Variants in CXADR observed in about 807,000 individuals in gnomAD.
CXADR encodes CXADR cell adhesion molecule.
In CXADR, 20 loss-of-function variants were observed where a neutral mutation model predicts 40.3. The observed-to-expected ratio is 0.50, with a 90% CI of 0.35 to 0.72. The LOEUF (loss-of-function observed/expected upper bound fraction) is 0.72. CXADR is among the 30% of genes least tolerant of loss of function. CXADR has a pLI of 0.01. For synonymous variants in CXADR, 150 were observed against 161.3 expected (o/e 0.93, Z 0.53); for missense variants, 332 against 449.1 (o/e 0.74, Z 2.36).
At chr21:17,530,112 C>CCATTT (rs2060652325) in intron 1 of CXADR, among the ~76,000 whole-genome samples, 2 of 24,428 alleles carry the variant, frequency 8.2e-5, no homozygotes, top group Non-Finnish European at 1.9e-4. Context: ...CCATGCCAGG[C>CCATTT]TATTTTTTTT....
At chr21:17,598,902 C>G in the CXADR span, 4 of 1,102,308 alleles carry the variant, frequency 3.6e-6, no homozygotes, top group Non-Finnish European at 3.9e-6. Context: ...ACAAAGAGAT[C>G]TGGACATGCC....
intron 7 of CXADR, among the ~76,000 whole-genome samples, chr21:17,585,453 C>T (rs1013260699): frequency 1.1e-4 from 17 of 152,068 alleles, no homozygotes; most frequent in African/African-American, 4.1e-4. Context: ...TAAAAGCTCC[C>T]CCATCCATTA....
intron 7 of CXADR, among the ~76,000 whole-genome samples, chr21:17,583,769 G>T (rs1331213827): frequency 6.6e-6 from 1 of 152,216 alleles, no homozygotes; most frequent in Non-Finnish European, 1.5e-5. Flanking sequence ...TTAAAATTCA[G>T]CACTATCCTA....
chr21:17,630,880 A>G, the CXADR span, among the ~76,000 whole-genome samples: 2 of 152,128 alleles, frequency 1.3e-5, no homozygotes, highest in East Asian at 3.8e-4. Context: ...CTTTCCAGGA[A>G]GGTAATGGAT....
chr21:17,591,613 T>C (rs2061435486), intron 7 of CXADR, among the ~76,000 whole-genome samples: 1 of 151,416 alleles, frequency 6.6e-6, no homozygotes, highest in African/African-American at 2.4e-5. Context: ...ACTTTTTTTT[T>C]CAAATATCCA....
chr21:17,530,034 C>T (rs1004085583), intron 1 of CXADR, among the ~76,000 whole-genome samples: 6 of 151,450 alleles, frequency 4.0e-5, no homozygotes, highest in African/African-American at 1.2e-4. Context: ...CTGCAACCTA[C>T]ACCTCCTGGG....
At chr21:17,608,912 CG>C in the CXADR span, 25 of 1,512,456 alleles carry the variant, frequency 1.7e-5, no homozygotes, top group African/African-American at 3.2e-4. Context: ...TTCAATCATC[CG>C]GCCTTGAACC....
chr21:17,556,409 G>A (rs1289118380), intron 3 of CXADR, among the ~76,000 whole-genome samples: 3 of 152,162 alleles, frequency 2.0e-5, no homozygotes, highest in Non-Finnish European at 4.4e-5. Flanking sequence ...GAATTTCCTA[G>A]CAGCTATTTT....
At chr21:17,596,221 T>C (rs1265288165), downstream of CXADR, among the ~76,000 whole-genome samples, 1 of 152,038 alleles carries the variant, frequency 6.6e-6, no homozygotes, top group Non-Finnish European at 1.5e-5. Context: ...TGAGAATATT[T>C]TGTCCTAGTC....
chr21:17,522,154 CTT>C (rs111957996), intron 1 of CXADR, among the ~76,000 whole-genome samples: 1 of 147,052 alleles, frequency 6.8e-6, no homozygotes, highest in Non-Finnish European at 1.5e-5. Flanking sequence ...TTCTTTCTTC[CTT>C]TTTTTTTTGG....
intron 1 of CXADR, among the ~76,000 whole-genome samples, chr21:17,523,121 T>C (rs991767571): frequency 6.6e-6 from 1 of 152,166 alleles, no homozygotes; most frequent in African/African-American, 2.4e-5. Context: ...GAGTGAACTT[T>C]ACCCTGTCCT....
intron 1 of CXADR, among the ~76,000 whole-genome samples, chr21:17,517,843 G>A (rs1163616144): frequency 1.3e-5 from 2 of 152,034 alleles, no homozygotes; most frequent in Non-Finnish European, 2.9e-5. Context: ...CAAAAGGAAA[G>A]GAAAAAAGGC....
chr21:17,598,979 C>CTG, the CXADR span: 1 of 557,182 alleles, frequency 1.8e-6, no homozygotes, highest in Non-Finnish European at 3.1e-6. Flanking sequence ...CCTAATACAG[C>CTG]TCAATGCCAG....
the CXADR span, among the ~76,000 whole-genome samples, chr21:17,618,987 A>G: frequency 6.6e-6 from 1 of 152,218 alleles, no homozygotes; most frequent in Non-Finnish European, 1.5e-5. Flanking sequence ...TAAATTGTCA[A>G]TGAGCAGTAA....
rs891782215 is a variant in CXADR at position 17,567,906 on chromosome 21, A to G, written c.*2214A>G. On this transcript the variant is annotated 3_prime_UTR_variant, in exon 7 of 7. Coordinates refer to ENST00000284878, the MANE Select transcript of CXADR (RefSeq NM_001338.5). The stretch of plus-strand genomic sequence containing the variant: ...TATGAGGAACAAGACTTCTCTTCCC[A>G]TATACTTCATATTTTAGAGGACATT... 12 of 978,438 alleles carry G rather than the reference A, an allele frequency of 1.2e-5. No individual in the cohort carries two copies. The highest frequency in any genetic ancestry group is 3.5e-5 in the African/African-American group (2 of 56,834). The allele number at this position is 978,438 out of a possible 1,614,324, so 60.6% of individuals were successfully genotyped here. A position where few individuals can be genotyped will look rare whatever the true frequency, so the allele number is the denominator to read the frequency against.
intron 1 of CXADR, among the ~76,000 whole-genome samples, chr21:17,546,707 A>G (rs2060901581): frequency 6.6e-6 from 1 of 152,168 alleles, no homozygotes; most frequent in Non-Finnish European, 1.5e-5. Context: ...CACCTTTCAG[A>G]GATTCTAGCC....
intron 2 of CXADR, among the ~76,000 whole-genome samples, chr21:17,550,651 CA>C (rs1029102106): frequency 1.3e-5 from 2 of 151,860 alleles, no homozygotes; most frequent in Non-Finnish European, 2.9e-5. Context: ...ATTTCATTAG[CA>C]AAAAAGAAAA....
At chr21:17,532,513 C>T (rs1286489040) in intron 1 of CXADR, among the ~76,000 whole-genome samples, 2 of 152,144 alleles carry the variant, frequency 1.3e-5, no homozygotes, top group Admixed American at 1.3e-4. Flanking sequence ...TTGCAGCTCC[C>T]CAAAACCTTC....
At chr21:17,575,068 G>A (rs1192392091), downstream of CXADR, among the ~76,000 whole-genome samples, 1 of 151,720 alleles carries the variant, frequency 6.6e-6, no homozygotes, top group African/African-American at 2.4e-5. Flanking sequence ...GATATTTAGG[G>A]GTCCAATGCT....
Sources: allele counts gnomAD v4.1 joint callset (sites outside exome capture counted in the v4.1 genomes callset), GRCh38; gene constraint gnomAD v4.1.1; transcripts MANE v1.5; gene names NCBI Gene and HGNC (gene_info 2026-07-23, HGNC 2026-07-21).